The following TRIO variants were observed in gnomAD, a reference collection of about 807,000 sequenced individuals.
TRIO encodes the protein triple functional domain protein.
A neutral mutation model predicts 351.9 loss-of-function variants in TRIO; 58 were observed. The observed-to-expected ratio is 0.16, with a 90% confidence interval of 0.13 to 0.21. The LOEUF (loss-of-function observed/expected upper bound fraction) is 0.21. Among genes scored for constraint, TRIO ranks in the 10% least tolerant of loss-of-function variants. TRIO has a pLI of 1.00. For synonymous variants in TRIO, 1,758 were observed against 1,595.7 expected (o/e 1.10, Z -2.42); for missense variants, 3,201 against 4,027.8 (o/e 0.79, Z 5.56).
chr5:14,468,261 T>C (rs1047481051), intron 37 of TRIO, among the ~76,000 whole-genome samples: 3 of 152,270 alleles, frequency 2.0e-5, no homozygotes, highest in South Asian at 2.1e-4. Context: ...TTGTTTCTGC[T>C]CACTTCAGTG....
At chr5:14,287,105 G>A (rs1736508817) in intron 4 of TRIO, 42 bp downstream of exon 4, 1 of 1,587,648 alleles carries the variant, frequency 6.3e-7, no homozygotes, top group African/African-American at 1.4e-5. Flanking sequence ...ACAAGTTGGT[G>A]TGGTTTACTA....
chr5:14,246,678 A>C, intron 1 of TRIO, among the ~76,000 whole-genome samples: 1 of 151,560 alleles, frequency 6.6e-6, no homozygotes, highest in African/African-American at 2.4e-5. Context: ...CTCTCCAGTC[A>C]CCCCTCGCCT....
intron 1 of TRIO, among the ~76,000 whole-genome samples, chr5:14,215,231 A>G (rs1792144107): frequency 6.6e-6 from 1 of 152,224 alleles, no homozygotes; most frequent in Non-Finnish European, 1.5e-5. Flanking sequence ...AAAAGCATGC[A>G]TCGTTTTTTA....
rs961302746 is a variant in TRIO, at chr5:14,507,961, A to G, written c.8833A>G (p.Thr2945Ala). The G allele has an allele frequency of 1.9e-6, 3 of 1,614,112 alleles. No individual in the cohort carries two copies. The African/African-American group carries it at 4.0e-5, about 22-fold the overall frequency. Residue 2945 changes from threonine (T) to alanine (A), a missense_variant, in exon 57 of 57, where the codon ACG becomes GCG. Around this residue, in one of 19 missense-constraint regions of TRIO, gnomAD observed 233 missense variants for 292.6 expected, o/e 0.80. Coordinates refer to ENST00000344204, the MANE Select transcript of TRIO (RefSeq NM_007118.4). ...CTTTGGAGATGCTGTTCAGCTCAAC[A>G]CGACCTACTACATCCACCAGTTACT... Reference protein sequence around the residue: ...ADFGDAVQLNTTYYIHQLLGN... With the variant: ...ADFGDAVQLNATYYIHQLLGN...
intron 1 of TRIO, among the ~76,000 whole-genome samples, chr5:14,239,448 G>A (rs896045424): frequency 5.3e-5 from 8 of 152,158 alleles, no homozygotes; most frequent in Admixed American, 3.3e-4. Flanking sequence ...AGCAACATGG[G>A]AGAAATAGCG....
At chr5:14,430,718 T>TATTTA (rs1751034415) in intron 34 of TRIO, among the ~76,000 whole-genome samples, 1 of 151,744 alleles carries the variant, frequency 6.6e-6, no homozygotes, top group African/African-American at 2.4e-5. Flanking sequence ...TATTTTATTT[T>TATTTA]ATTTATTTAT....
Position 14,487,504 on chromosome 5 carries a change from G to T in TRIO, c.6876G>T (p.Gly2292=). Residue 2292 remains glycine, a synonymous_variant, in exon 48 of 57, where the codon GGG becomes GGT. Transcript: ENST00000344204. ...TCGAGTACCAGAGGAACCACAGCGG[G>T]GGCGGCGGCGGCGGCGGCAGCGGGG... is the stretch of plus-strand genomic sequence containing the variant. The part of the protein sequence containing the change: ...SPIEYQRNHS[G]GGGGGGSGGS... 9.2e-7 allele frequency: 1 copy of T among 1,083,304 alleles called. No individual in the cohort carries two copies. Among genetic ancestry groups the T allele is most frequent in the Non-Finnish European group, 1.1e-6 (1 of 876,604 alleles). 67.1% of individuals were successfully genotyped at this position (1,083,304 alleles called of 1,614,324 possible). A position where few individuals can be genotyped will look rare whatever the true frequency, so the allele number is the denominator to read the frequency against.
intron 16 of TRIO, among the ~76,000 whole-genome samples, chr5:14,367,542 G>A (rs536489885): frequency 1.3e-5 from 2 of 152,154 alleles, no homozygotes; most frequent in Non-Finnish European, 2.9e-5. Flanking sequence ...CAGAACTGTC[G>A]CAAAATGACT....
chr5:14,315,076 G>A (rs1739263081), intron 8 of TRIO, among the ~76,000 whole-genome samples: 1 of 152,102 alleles, frequency 6.6e-6, no homozygotes, highest in Non-Finnish European at 1.5e-5. Context: ...AGTTAGAAGA[G>A]GATTAAAGGA....
chr5:14,436,764 C>T (rs746672083), intron 34 of TRIO, among the ~76,000 whole-genome samples: 5 of 152,190 alleles, frequency 3.3e-5, no homozygotes, highest in Non-Finnish European at 7.3e-5. Context: ...CAGAAATGAT[C>T]TCCTTTGACT....
At chr5:14,409,296 C>T (rs979864823) in intron 33 of TRIO, among the ~76,000 whole-genome samples, 17 of 149,848 alleles carry the variant, frequency 1.1e-4, no homozygotes, top group East Asian at 3.9e-4. Context: ...GGAGGGCTTA[C>T]GTGAACTGGG....
intron 20 of TRIO, among the ~76,000 whole-genome samples, chr5:14,379,596 A>G (rs886784660): frequency 4.6e-5 from 7 of 152,190 alleles, no homozygotes; most frequent in Non-Finnish European, 5.9e-5. Context: ...CAGTTTAACC[A>G]TATTCAAGAT....
intron 2 of TRIO, among the ~76,000 whole-genome samples, chr5:14,276,179 T>C (rs1561281499): frequency 6.6e-6 from 1 of 152,186 alleles, no homozygotes; most frequent in Non-Finnish European, 1.5e-5. Flanking sequence ...CTTCATGGTC[T>C]AGTTTTGCAG....
chr5:14,161,432 C>T (rs988679685), intron 1 of TRIO, among the ~76,000 whole-genome samples: 1 of 152,128 alleles, frequency 6.6e-6, no homozygotes, highest in Admixed American at 6.5e-5. Flanking sequence ...CCTCTTGAGG[C>T]CCATTGGTGT....
chr5:14,396,330 G>GTGCA (rs1291631263), intron 28 of TRIO, among the ~76,000 whole-genome samples: 1 of 151,888 alleles, frequency 6.6e-6, no homozygotes, highest in Non-Finnish European at 1.5e-5. Flanking sequence ...TAGCTCCAAG[G>GTGCA]TGCAGAGTCA....
intron 29 of TRIO, among the ~76,000 whole-genome samples, chr5:14,398,104 G>T (rs1747766364): frequency 6.6e-6 from 1 of 152,168 alleles, no homozygotes; most frequent in Admixed American, 6.6e-5. Flanking sequence ...AACTGTTCCT[G>T]GGGCTGGGGG....
At chr5:14,465,519 C>A in intron 36 of TRIO, 26 bp from the exon 37 acceptor site, 1 of 1,612,622 alleles carries the variant, frequency 6.2e-7, no homozygotes, top group Non-Finnish European at 8.5e-7. Flanking sequence ...TGCCCCACCC[C>A]CTCCTTTTCT....
At chr5:14,199,800 G>A (rs1222473089) in intron 1 of TRIO, among the ~76,000 whole-genome samples, 1 of 152,124 alleles carries the variant, frequency 6.6e-6, no homozygotes, top group African/African-American at 2.4e-5. Context: ...GTCTTGTCCT[G>A]GGTCTGACCA....
intron 10 of TRIO, among the ~76,000 whole-genome samples, chr5:14,332,090 T>C (rs1740954172): frequency 6.6e-6 from 1 of 152,194 alleles, no homozygotes; most frequent in Non-Finnish European, 1.5e-5. Flanking sequence ...AAGGTATCTT[T>C]ACTATCATTA....
Sources: gnomAD v4.1 joint callset for allele counts (sites outside exome capture counted in the v4.1 genomes callset) on GRCh38, gnomAD v4.1.1 for gene constraint, gnomAD v4.1.1 regional missense constraint, MANE v1.5 for transcripts, NCBI Gene and HGNC (gene_info 2026-07-23, HGNC 2026-07-21) for gene names.